Variants in AFG1L observed in about 807,000 individuals in gnomAD.
AFG1L encodes AFG1-like ATPase.
AFG1L carries 53 observed loss-of-function variants against 62.2 expected under a neutral mutation model. The observed-to-expected ratio is 0.85, with a 90% confidence interval of 0.68 to 1.07. The LOEUF is 1.07. AFG1L is among the 50% of genes least tolerant of loss of function. AFG1L has a pLI of 0.00. For synonymous variants in AFG1L, 228 were observed against 210.3 expected, an observed-to-expected ratio of 1.08 and a Z score of -0.73; for missense variants, 555 against 590.5, an observed-to-expected ratio of 0.94 and a Z score of 0.62.
chr6:108,519,631 AT>A, intron 11 of AFG1L, 65 bp from the exon 12 acceptor site: 1 of 850,138 alleles, frequency 1.2e-6, no homozygotes. Context: ...ATTTTGTGAG[AT>A]TTTTCTTACC....
chr6:108,435,370 C>T (rs952642972), intron 7 of AFG1L, among the ~76,000 whole-genome samples: 1 of 152,156 alleles, frequency 6.6e-6, no homozygotes, highest in Non-Finnish European at 1.5e-5. Flanking sequence ...TCAAAAATGT[C>T]AAGGTAGCAC....
intron 11 of AFG1L, among the ~76,000 whole-genome samples, chr6:108,513,927 C>T (rs897250954): frequency 3.9e-5 from 6 of 152,188 alleles, no homozygotes; most frequent in South Asian, 2.1e-4. Context: ...TCCAGAGGAA[C>T]GATCAGGCAG....
At chr6:108,377,978 A>C (rs891069462) in intron 6 of AFG1L, among the ~76,000 whole-genome samples, 4 of 151,474 alleles carry the variant, frequency 2.6e-5, no homozygotes, top group African/African-American at 9.7e-5. Flanking sequence ...GTTGCATTAC[A>C]TAATCCCACA....
intron 7 of AFG1L, among the ~76,000 whole-genome samples, chr6:108,430,145 A>G (rs922131073): frequency 2.0e-5 from 3 of 151,932 alleles, no homozygotes; most frequent in Non-Finnish European, 4.4e-5. Flanking sequence ...ATAGGATTTC[A>G]CCATGTTGGC....
chr6:108,466,325 C>A (rs1245583899), intron 8 of AFG1L, among the ~76,000 whole-genome samples: 1 of 152,056 alleles, frequency 6.6e-6, no homozygotes, highest in Non-Finnish European at 1.5e-5. Context: ...TATGAGTTTA[C>A]CAAAAGGAAT....
intron 7 of AFG1L, among the ~76,000 whole-genome samples, chr6:108,404,886 C>T (rs1781784548): frequency 6.6e-6 from 1 of 152,006 alleles, no homozygotes; most frequent in South Asian, 2.1e-4. Context: ...CACACCACCA[C>T]ACCAGGCTAA....
At chr6:108,323,212 T>C (rs1030520195) in intron 1 of AFG1L, among the ~76,000 whole-genome samples, 1 of 152,156 alleles carries the variant, frequency 6.6e-6, no homozygotes, top group Non-Finnish European at 1.5e-5. Flanking sequence ...GGGAAGGAGA[T>C]GAGGAACCCC....
chr6:108,454,009 C>T (rs1009631158), intron 8 of AFG1L, among the ~76,000 whole-genome samples: 1 of 152,190 alleles, frequency 6.6e-6, no homozygotes, highest in African/African-American at 2.4e-5. Flanking sequence ...TGTTTCAATA[C>T]GTTGTGCTAG....
At chr6:108,444,594 A>G (rs1346478313) in intron 7 of AFG1L, among the ~76,000 whole-genome samples, 2 of 152,258 alleles carry the variant, frequency 1.3e-5, no homozygotes. Flanking sequence ...TGTTATGTTA[A>G]CAGGCAGGGA....
chr6:108,520,961 C>T (rs1775103011), intron 12 of AFG1L: 1 of 152,222 alleles, frequency 6.6e-6, no homozygotes, highest in Admixed American at 6.5e-5. Flanking sequence ...ATGAGGGCTC[C>T]ACCCACAAGA....
chr6:108,357,408 AAAGAAGAAG>A, intron 5 of AFG1L, among the ~76,000 whole-genome samples: 1 of 152,214 alleles, frequency 6.6e-6, no homozygotes, highest in South Asian at 2.1e-4. Context: ...AAGGTAGCTG[AAAGAAGAAG>A]AAGAAGAAAA....
At chr6:108,348,305 C>T (rs1325708787) in intron 3 of AFG1L, among the ~76,000 whole-genome samples, 1 of 152,220 alleles carries the variant, frequency 6.6e-6, no homozygotes, top group East Asian at 1.9e-4. Context: ...GCCTCGATCT[C>T]CTGACCTCGT....
chr6:108,497,144 G>T lies in AFG1L; in HGVS notation c.1063-13068G>T, dbSNP rs62428898. 5.3e-5 allele frequency among the ~76,000 whole-genome samples: 8 copies of T among 151,898 alleles called. 1 individual carries two copies. The highest frequency in any genetic ancestry group is 1.9e-4 in the African/African-American group (8 of 41,350). On this transcript the variant is annotated intron_variant, in intron 10 of 12. Transcript: ENST00000368977. ...TGTAAGTTTATAACTTTTTTTTAGG[G>T]CTCTTACTACAACCCATCAAACTGT... is the stretch of plus-strand genomic sequence containing the variant.
chr6:108,337,940 A>G (rs1230314911), intron 2 of AFG1L, among the ~76,000 whole-genome samples: 1 of 152,132 alleles, frequency 6.6e-6, no homozygotes, highest in Non-Finnish European at 1.5e-5. Flanking sequence ...AATCCCAGCA[A>G]TTTGGGAGGC....
intron 11 of AFG1L, 95 bp downstream of exon 11, chr6:108,510,447 CTT>C: frequency 1.2e-6 from 1 of 861,126 alleles, no homozygotes; most frequent in South Asian, 1.7e-5. Flanking sequence ...ACTTCTATCA[CTT>C]ACTGCACCTC....
Position 108,325,737 on chromosome 6 carries a change from C to T in AFG1L, c.363+1689C>T, listed in dbSNP as rs187519115. On this transcript the variant is annotated intron_variant, in intron 2 of 12. Transcript: ENST00000368977. ...CTGACCTCAGGTGATCCGCCCACCTCGGCCTCCCAAAGTGCTGGGATTACA... is the reference window on the plus strand; with the variant it reads ...CTGACCTCAGGTGATCCGCCCACCTTGGCCTCCCAAAGTGCTGGGATTACA... Among the ~76,000 whole-genome samples, 253 of 152,074 alleles carry T rather than the reference C, an allele frequency of 1.7e-3. 2 individuals are homozygous for T. Among genetic ancestry groups the T allele is most frequent in the East Asian group, 0.015 (75 of 5,146 alleles).
intron 7 of AFG1L, among the ~76,000 whole-genome samples, chr6:108,444,984 T>C (rs910736486): frequency 6.6e-6 from 1 of 152,244 alleles, no homozygotes; most frequent in Non-Finnish European, 1.5e-5. Context: ...AGTTGGCATC[T>C]TCTTCCAGCA....
Position 108,522,459 on chromosome 6 carries a change from A to G in AFG1L, c.*34A>G. ...TTTGCATAAATAAAACTCTAGACAA[A>G]TGGTTAACGCAGGCAGAACTCCTTA... On this transcript the variant is annotated 3_prime_UTR_variant, in exon 13 of 13. Coordinates refer to ENST00000368977, the MANE Select transcript of AFG1L (RefSeq NM_145315.5). 2 of 1,589,228 alleles carry G rather than the reference A, an allele frequency of 1.3e-6. No individual in the cohort carries two copies. The highest frequency in any genetic ancestry group is 1.3e-5 in the African/African-American group (1 of 74,690).
chr6:108,362,036 TGAA>T (rs1182957730), intron 5 of AFG1L, among the ~76,000 whole-genome samples: 1 of 152,188 alleles, frequency 6.6e-6, no homozygotes, highest in Non-Finnish European at 1.5e-5. Flanking sequence ...AATGAATGAA[TGAA>T]TGAATCTAAT....
Sources: allele counts gnomAD v4.1 joint callset (sites outside exome capture counted in the v4.1 genomes callset), GRCh38; gene constraint gnomAD v4.1.1; transcripts MANE v1.5; gene names NCBI Gene and HGNC (gene_info 2026-07-23, HGNC 2026-07-21).